GALNT13: variants seen among roughly 807,000 people sequenced by gnomAD.
GALNT13 encodes the protein polypeptide N-acetylgalactosaminyltransferase 13.
In GALNT13, 28 loss-of-function variants were observed where a neutral mutation model predicts 64.2. The ratio of observed to expected loss-of-function variants is 0.44; its 90% CI spans 0.32 to 0.60. GALNT13 has a LOEUF of 0.60. Among genes scored for constraint, GALNT13 ranks in the 20% least tolerant of loss-of-function variants. The pLI is 0.05. For synonymous variants in GALNT13, 214 were observed against 224.6 expected, an observed-to-expected ratio of 0.95 and a Z score of 0.42; for missense variants, 577 against 669.8, an observed-to-expected ratio of 0.86 and a Z score of 1.53.
intron 11 of GALNT13, among the ~76,000 whole-genome samples, chr2:154,425,972 C>T (rs1462579166): frequency 6.6e-6 from 1 of 152,124 alleles, no homozygotes; most frequent in Non-Finnish European, 1.5e-5. Context: ...TGTTTCATAA[C>T]AAATTACTAC....
the GALNT13 span, among the ~76,000 whole-genome samples, chr2:153,417,680 A>G: frequency 6.6e-6 from 1 of 152,202 alleles, no homozygotes; most frequent in Non-Finnish European, 1.5e-5. Flanking sequence ...AAATTCTTTT[A>G]GAGAATAAGC....
intron 12 of GALNT13, chr2:154,445,947 T>C: frequency 3.7e-6 from 2 of 534,228 alleles, no homozygotes; most frequent in Non-Finnish European, 6.5e-6. Flanking sequence ...TAAAATTGTT[T>C]GGAGAATTAG....
the GALNT13 span, among the ~76,000 whole-genome samples, chr2:153,713,379 T>G: frequency 1.3e-5 from 2 of 152,294 alleles, no homozygotes; most frequent in Admixed American, 1.3e-4. Flanking sequence ...AACATCCTGA[T>G]TCCAGGGTTT....
intron 11 of GALNT13, chr2:154,437,790 G>T: frequency 2.8e-6 from 1 of 357,556 alleles, no homozygotes; most frequent in Non-Finnish European, 5.6e-6. Context: ...GGGAGGCGGA[G>T]GTTGCAGTAA....
intron 3 of GALNT13, among the ~76,000 whole-genome samples, chr2:154,009,385 T>C (rs1682148276): frequency 6.6e-6 from 1 of 152,150 alleles, no homozygotes; most frequent in Non-Finnish European, 1.5e-5. Flanking sequence ...ATTTGATGTC[T>C]TTTTTGGTTC....
the GALNT13 span, among the ~76,000 whole-genome samples, chr2:153,444,589 T>G: frequency 6.6e-6 from 1 of 152,184 alleles, no homozygotes; most frequent in Non-Finnish European, 1.5e-5. Flanking sequence ...AAAAATGCCC[T>G]CCATTTCCAA....
At chr2:153,164,964 C>G in the GALNT13 span, among the ~76,000 whole-genome samples, 1 of 152,164 alleles carries the variant, frequency 6.6e-6, no homozygotes. Context: ...ACTTTCAAAA[C>G]TTTTGATCTG....
intron 4 of GALNT13, among the ~76,000 whole-genome samples, chr2:154,146,799 CAG>C (rs34990189): frequency 0.2 from 30,808 of 151,892 alleles, 4,006 homozygotes; most frequent in Middle Eastern, 0.32. Flanking sequence ...TCCTGCATTA[CAG>C]AGTTTCCCAC....
chr2:154,196,507 G>T (rs1272616953), intron 4 of GALNT13, among the ~76,000 whole-genome samples: 1 of 152,134 alleles, frequency 6.6e-6, no homozygotes, highest in Non-Finnish European at 1.5e-5. Context: ...GAAATAATTA[G>T]CTATTCATAG....
intron 9 of GALNT13, among the ~76,000 whole-genome samples, chr2:154,346,502 A>C (rs945860204): frequency 2.6e-5 from 4 of 151,980 alleles, no homozygotes; most frequent in African/African-American, 9.7e-5. Context: ...TACTGTTCTC[A>C]TGGTAGTGAA....
At chr2:153,168,020 A>C in the GALNT13 span, among the ~76,000 whole-genome samples, 1 of 152,174 alleles carries the variant, frequency 6.6e-6, no homozygotes, top group African/African-American at 2.4e-5. Context: ...CTCAAGATTT[A>C]GCCATGTTAA....
intron 4 of GALNT13, among the ~76,000 whole-genome samples, chr2:154,232,462 A>C (rs1688967362): frequency 6.6e-6 from 1 of 152,078 alleles, no homozygotes; most frequent in South Asian, 2.1e-4. Flanking sequence ...TCTAATAATC[A>C]CTGTAGACTT....
intron 9 of GALNT13, among the ~76,000 whole-genome samples, chr2:154,308,132 C>T (rs1180621360): frequency 6.6e-6 from 1 of 151,958 alleles, no homozygotes; most frequent in African/African-American, 2.4e-5. Context: ...CAAAACATAC[C>T]TTAAAAGGTA....
chr2:153,792,970 C>CTTTTTT, the GALNT13 span, among the ~76,000 whole-genome samples: 13 of 132,252 alleles, frequency 9.8e-5, no homozygotes, highest in African/African-American at 1.4e-4. Context: ...TTCTTTCTTT[C>CTTTTTT]TTTTTTTTTT....
At chr2:154,323,108 G>A (rs746287291) in intron 9 of GALNT13, among the ~76,000 whole-genome samples, 3 of 151,600 alleles carry the variant, frequency 2.0e-5, no homozygotes, top group Non-Finnish European at 4.4e-5. Context: ...CAGATTCAAG[G>A]AGATGGATTA....
chr2:153,948,982 C>T (rs1691975698), intron 3 of GALNT13, among the ~76,000 whole-genome samples: 1 of 143,544 alleles, frequency 7.0e-6, no homozygotes, highest in African/African-American at 2.4e-5. Context: ...CACATGTGCC[C>T]CTGAACTTAA....
chr2:154,401,614 C>G (rs1384649663), intron 10 of GALNT13, among the ~76,000 whole-genome samples: 1 of 152,032 alleles, frequency 6.6e-6, no homozygotes, highest in Non-Finnish European at 1.5e-5. Context: ...TTTTTAACTT[C>G]ATATTTCTAA....
At chr2:153,203,614 G>A in the GALNT13 span, among the ~76,000 whole-genome samples, 1 of 152,112 alleles carries the variant, frequency 6.6e-6, no homozygotes, top group Non-Finnish European at 1.5e-5. Flanking sequence ...AGGCTATCCG[G>A]CTCCACAAAC....
At chr2:154,375,204 G>T (rs1255297952) in intron 9 of GALNT13, among the ~76,000 whole-genome samples, 4 of 109,148 alleles carry the variant, frequency 3.7e-5, no homozygotes, top group Non-Finnish European at 2.1e-5. Context: ...TAGCCAGGAT[G>T]ATCTCGATCT....
Sources: allele counts gnomAD v4.1 joint callset (sites outside exome capture counted in the v4.1 genomes callset), GRCh38; gene constraint gnomAD v4.1.1; transcripts MANE v1.5; gene names NCBI Gene and HGNC (gene_info 2026-07-23, HGNC 2026-07-21).